The following LRP1B variants were observed in gnomAD, a reference collection of about 807,000 sequenced individuals.
LRP1B encodes the protein low-density lipoprotein receptor-related protein 1B.
LRP1B carries 217 observed loss-of-function variants against 556.6 expected under a neutral mutation model. That is an observed-to-expected ratio of 0.39 (90% CI 0.35 to 0.44). The LOEUF is 0.44. Ranked by LOEUF, LRP1B falls within the 20% of genes least tolerant of loss-of-function variation. LRP1B has a pLI of 1.00. For synonymous variants in LRP1B, 2,047 were observed against 1,865.8 expected, an observed-to-expected ratio of 1.10 and a Z score of -2.50; for missense variants, 5,053 against 5,620.8, an observed-to-expected ratio of 0.90 and a Z score of 3.23.
At chr2:142,074,251 T>C (rs1183161172) in intron 1 of LRP1B, among the ~76,000 whole-genome samples, 1 of 152,026 alleles carries the variant, frequency 6.6e-6, no homozygotes, top group Non-Finnish European at 1.5e-5. Flanking sequence ...TTTATTACCT[T>C]TCCTGGGTCC....
chr2:141,815,574 A>C (rs1696514741), intron 1 of LRP1B, among the ~76,000 whole-genome samples: 1 of 152,124 alleles, frequency 6.6e-6, no homozygotes, highest in Non-Finnish European at 1.5e-5. Flanking sequence ...AAAATGCACC[A>C]ATCAGCACTC....
At chr2:140,679,692 G>A (rs963398622) in intron 41 of LRP1B, among the ~76,000 whole-genome samples, 3 of 151,950 alleles carry the variant, frequency 2.0e-5, no homozygotes, top group African/African-American at 7.3e-5. Context: ...TTATGAATTT[G>A]GTAAATACGT....
chr2:141,611,777 G>A (rs949085977), intron 2 of LRP1B, among the ~76,000 whole-genome samples: 9 of 152,130 alleles, frequency 5.9e-5, no homozygotes, highest in Non-Finnish European at 1.5e-5. Flanking sequence ...TCTGGGAAAC[G>A]TTTTCACCTG....
At chr2:141,914,483 G>A (rs755318007) in intron 1 of LRP1B, among the ~76,000 whole-genome samples, 1 of 152,112 alleles carries the variant, frequency 6.6e-6, no homozygotes. Context: ...AATCAACATA[G>A]TACTGGAAGT....
intron 23 of LRP1B, among the ~76,000 whole-genome samples, chr2:140,896,216 G>C (rs1573854695): frequency 6.6e-6 from 1 of 151,794 alleles, no homozygotes; most frequent in South Asian, 2.1e-4. Context: ...GAATTAAAGA[G>C]GGAAAATGTA....
At chr2:141,471,103 A>G (rs12464897) in intron 3 of LRP1B, among the ~76,000 whole-genome samples, 104,173 of 151,964 alleles carry the variant, frequency 0.69, 37,148 homozygotes, top group East Asian at 0.83. Flanking sequence ...GGTAAGGATT[A>G]CTGTTTATCT....
chr2:140,288,151 A>T (rs75839129), intron 84 of LRP1B, among the ~76,000 whole-genome samples: 1 of 146,120 alleles, frequency 6.8e-6, no homozygotes. Context: ...AAATTTGGGG[A>T]TTTTTTTTTT....
intron 66 of LRP1B, among the ~76,000 whole-genome samples, chr2:140,398,517 C>CA (rs1684352605): frequency 1.1e-5 from 1 of 93,654 alleles, no homozygotes; most frequent in Non-Finnish European, 2.3e-5. Context: ...CTTTCTTTCT[C>CA]TTTTGTTGTT....
chr2:141,274,992 T>C (rs1333199797), intron 3 of LRP1B, among the ~76,000 whole-genome samples: 1 of 152,152 alleles, frequency 6.6e-6, no homozygotes, highest in Non-Finnish European at 1.5e-5. Flanking sequence ...AGAAACATTT[T>C]TGTCCTCCAC....
chr2:140,322,296 T>A (rs1234396725), intron 81 of LRP1B, among the ~76,000 whole-genome samples: 2 of 152,048 alleles, frequency 1.3e-5, no homozygotes, highest in Non-Finnish European at 2.9e-5. Context: ...TAATAGTAAG[T>A]TTGCCTTATT....
intron 3 of LRP1B, among the ~76,000 whole-genome samples, chr2:141,477,701 C>G (rs186427023): frequency 2.0e-5 from 3 of 152,078 alleles, no homozygotes; most frequent in African/African-American, 7.2e-5. Flanking sequence ...ATCATTGATT[C>G]TAGGATGACT....
intron 23 of LRP1B, chr2:140,898,992 C>T (rs987718361): frequency 8.1e-5 from 30 of 369,646 alleles, no homozygotes; most frequent in Non-Finnish European, 1.5e-4. Context: ...TTGAGCTCAG[C>T]ATGCTTTCAC....
At chr2:140,242,556 G>T (rs1421693290) in intron 87 of LRP1B, among the ~76,000 whole-genome samples, 1 of 151,098 alleles carries the variant, frequency 6.6e-6, no homozygotes, top group Non-Finnish European at 1.5e-5. Context: ...ATTGCTTGAT[G>T]TATAACAGAA....
chr2:141,992,561 A>G (rs970928775), intron 1 of LRP1B, among the ~76,000 whole-genome samples: 1 of 152,294 alleles, frequency 6.6e-6, no homozygotes, highest in African/African-American at 2.4e-5. Flanking sequence ...ATACATATAA[A>G]GACTGGAAGA....
chr2:141,886,110 A>G (rs1220329372), intron 1 of LRP1B, among the ~76,000 whole-genome samples: 8 of 152,206 alleles, frequency 5.3e-5, no homozygotes, highest in Non-Finnish European at 2.9e-5. Flanking sequence ...CAGGCCAGAT[A>G]CTTAGAAGGT....
At chr2:140,916,907 T>C (rs1377372320) in intron 21 of LRP1B, among the ~76,000 whole-genome samples, 3 of 152,176 alleles carry the variant, frequency 2.0e-5, no homozygotes, top group Non-Finnish European at 4.4e-5. Flanking sequence ...CCTGCACTTT[T>C]CACTCAACAT....
chr2:141,620,963 T>C (rs970755337), intron 2 of LRP1B, among the ~76,000 whole-genome samples: 4 of 149,290 alleles, frequency 2.7e-5, no homozygotes, highest in African/African-American at 7.4e-5. Flanking sequence ...AAAAAAAAGG[T>C]ATATTTCTCA....
chr2:141,951,103 C>T (rs550074715), intron 1 of LRP1B, among the ~76,000 whole-genome samples: 2 of 152,048 alleles, frequency 1.3e-5, no homozygotes, highest in Non-Finnish European at 2.9e-5. Flanking sequence ...ATAATGGCTG[C>T]GTAAATAAGA....
At chr2:141,823,127 C>G (rs1696809262) in intron 1 of LRP1B, among the ~76,000 whole-genome samples, 2 of 152,122 alleles carry the variant, frequency 1.3e-5, no homozygotes, top group African/African-American at 4.8e-5. Context: ...CTTTCCCCAT[C>G]TCTCTTACAG....
Sources: gnomAD v4.1 joint callset for allele counts (sites outside exome capture counted in the v4.1 genomes callset) on GRCh38, gnomAD v4.1.1 for gene constraint, MANE v1.5 for transcripts, NCBI Gene and HGNC (gene_info 2026-07-23, HGNC 2026-07-21) for gene names.